RDH12: variants seen among roughly 807,000 people sequenced by gnomAD.
The protein encoded by RDH12 is all-trans and 9-cis retinol dehydrogenase.
A neutral mutation model predicts 34.0 loss-of-function variants in RDH12; 21 were observed. The ratio of observed to expected loss-of-function variants is 0.62; its 90% confidence interval spans 0.44 to 0.89. The LOEUF (loss-of-function observed/expected upper bound fraction) is 0.89, where lower values mean the gene tolerates loss of function less well. RDH12 is among the 40% of genes least tolerant of loss of function. RDH12 has a pLI of 0.00. For synonymous variants in RDH12, 198 were observed against 169.9 expected (o/e 1.17, Z -1.29); for missense variants, 394 against 398.6 (o/e 0.99, Z 0.10).
At chr14:67,713,728 T>G (rs967562442) in intron 1 of RDH12, among the ~76,000 whole-genome samples, 2 of 152,250 alleles carry the variant, frequency 1.3e-5, no homozygotes, top group African/African-American at 4.8e-5. Flanking sequence ...CAGGAGGTCC[T>G]GACGACATGT....
chr14:67,710,155 T>C (rs2037994781), intron 1 of RDH12, among the ~76,000 whole-genome samples: 2 of 152,148 alleles, frequency 1.3e-5, no homozygotes, highest in South Asian at 4.1e-4. Flanking sequence ...CCTAAATGTA[T>C]AAAACCAAGC....
Position 67,734,377 on chromosome 14 carries a change from G to T in RDH12, c.*529G>T, listed in dbSNP as rs745439408. 8 of 155,732 alleles carry T rather than the reference G, an allele frequency of 5.1e-5. No individual in the cohort carries two copies. The highest frequency in any genetic ancestry group is 1.0e-4 in the Non-Finnish European group (7 of 70,224). The allele number at this position is 155,732 out of a possible 1,614,324, so 9.6% of individuals were successfully genotyped here. A position where few individuals can be genotyped will look rare whatever the true frequency, so the allele number is the denominator to read the frequency against. ...ACCTGGACCTTCCCATTTCAATCATGCAGATGGTTTCTTTTTGTAAAGAGT... is the reference window on the plus strand; with the variant it reads ...ACCTGGACCTTCCCATTTCAATCATTCAGATGGTTTCTTTTTGTAAAGAGT... On this transcript the variant is annotated 3_prime_UTR_variant, in exon 9 of 9. Coordinates refer to ENST00000551171, the MANE Select transcript of RDH12 (RefSeq NM_152443.3).
At chr14:67,716,800 C>T (rs2038073347) in intron 1 of RDH12, among the ~76,000 whole-genome samples, 1 of 151,446 alleles carries the variant, frequency 6.6e-6, no homozygotes, top group Admixed American at 6.6e-5. Context: ...AGGAGAATTG[C>T]TTGGGCCCGG....
At chr14:67,714,796 A>C (rs1401788602) in intron 1 of RDH12, 2 of 152,260 alleles carry the variant, frequency 1.3e-5, no homozygotes, top group African/African-American at 4.8e-5. Context: ...TTTTAAAAAT[A>C]AAAGAGGGCC....
intron 1 of RDH12, among the ~76,000 whole-genome samples, chr14:67,720,050 C>T (rs1305615395): frequency 6.6e-6 from 1 of 152,202 alleles, no homozygotes; most frequent in Admixed American, 6.5e-5. Flanking sequence ...CTCCCACGAG[C>T]AATGCATCAG....
chr14:67,724,849 G>C (rs2038166222), intron 4 of RDH12, among the ~76,000 whole-genome samples: 2 of 152,190 alleles, frequency 1.3e-5, no homozygotes, highest in Admixed American at 1.3e-4. Flanking sequence ...TATTCTAAAA[G>C]GAGATACTAA....
chr14:67,715,820 C>T (rs1416707694), intron 1 of RDH12, among the ~76,000 whole-genome samples: 1 of 152,186 alleles, frequency 6.6e-6, no homozygotes, highest in Non-Finnish European at 1.5e-5. Context: ...TATTGCATGT[C>T]TGCTTCATGC....
At position 67,722,452 on chromosome 14, in the gene RDH12, G is replaced by T; in HGVS notation, c.-191G>T. On this transcript the variant is annotated 5_prime_UTR_variant, in exon 3 of 9. Coordinates refer to ENST00000551171, the MANE Select transcript of RDH12 (RefSeq NM_152443.3). ...TACATCTCCCAGCAGGCTGTGCTCTGACAGCTCTTGGATTTAAATAGGATT... is the reference window on the plus strand; with the variant it reads ...TACATCTCCCAGCAGGCTGTGCTCTTACAGCTCTTGGATTTAAATAGGATT... The T allele has an allele frequency of 1.5e-6, 1 of 674,296 alleles. No individual in the cohort carries two copies. The highest frequency in any genetic ancestry group is 2.7e-6 in the Non-Finnish European group (1 of 369,652). The allele number at this position is 674,296 out of a possible 1,614,324, so 41.8% of individuals were successfully genotyped here.
intron 6 of RDH12, among the ~76,000 whole-genome samples, chr14:67,726,510 C>A (rs2038187852): frequency 6.6e-6 from 1 of 152,156 alleles, no homozygotes; most frequent in Non-Finnish European, 1.5e-5. Context: ...CCAACCAAGC[C>A]ATGGGTTGGT....
At chr14:67,730,195 G>A (rs776354515) in intron 8 of RDH12, among the ~76,000 whole-genome samples, 18 of 152,278 alleles carry the variant, frequency 1.2e-4, no homozygotes, top group East Asian at 3.9e-4. Context: ...AAACTGAGGC[G>A]CAAGATAATT....
intron 5 of RDH12, among the ~76,000 whole-genome samples, 196 bp from the exon 6 acceptor site, chr14:67,725,855 C>T (rs904294839): frequency 6.6e-6 from 1 of 152,076 alleles, no homozygotes; most frequent in East Asian, 1.9e-4. Context: ...GAGATAGGTC[C>T]AAATGAAGGA....
chr14:67,716,066 C>T (rs1409117587), intron 1 of RDH12, among the ~76,000 whole-genome samples: 1 of 151,826 alleles, frequency 6.6e-6, no homozygotes, highest in East Asian at 1.9e-4. Context: ...GGGTGGTAGC[C>T]GGTGCCTGTA....
At chr14:67,710,249 C>T (rs951902162) in intron 1 of RDH12, among the ~76,000 whole-genome samples, 1 of 152,172 alleles carries the variant, frequency 6.6e-6, no homozygotes, top group African/African-American at 2.4e-5. Flanking sequence ...GCAAAATAAA[C>T]TTTCTAAATT....
In RDH12 at chr14:67,724,041, T is replaced by A. The variant is rs191939019; in HGVS notation, c.69-432T>A. 1.3e-4 allele frequency among the ~76,000 whole-genome samples: 20 copies of A among 152,296 alleles called. 1 individual carries two copies. The highest frequency in any genetic ancestry group is 7.8e-4 in the Admixed American group (12 of 15,294). On this transcript the variant is annotated intron_variant, in intron 3 of 8. Coordinates refer to ENST00000551171, the MANE Select transcript of RDH12 (RefSeq NM_152443.3). ...CCTGTGTGTGCCACCCCCCACAGAG[T>A]GCTGTTCATCAGTTACTCATGATGA...
At chr14:67,725,772 C>T (rs1455021014) in intron 5 of RDH12, among the ~76,000 whole-genome samples, 1 of 152,160 alleles carries the variant, frequency 6.6e-6, no homozygotes, top group Non-Finnish European at 1.5e-5. Flanking sequence ...AATGAATGAA[C>T]AATGTCCAGG....
At chr14:67,729,060 G>A in intron 7 of RDH12, 131 bp from the exon 8 acceptor site, 1 of 911,466 alleles carries the variant, frequency 1.1e-6, no homozygotes. Flanking sequence ...GGCCAGGAGT[G>A]GTACCTGCTG....
intron 6 of RDH12, among the ~76,000 whole-genome samples, 164 bp downstream of exon 6, chr14:67,726,319 G>A (rs2038185258): frequency 1.3e-5 from 2 of 152,144 alleles, no homozygotes; most frequent in Non-Finnish European, 2.9e-5. Context: ...CTCCTGATCA[G>A]TCTAAAAAAG....
rs543590240 is a variant in RDH12, at chr14:67,713,173, C to G, written c.-274-7675C>G. On this transcript the variant is annotated intron_variant, in intron 1 of 8. Transcript: ENST00000551171. ...GTTAACTTTAGCCAAGACAAAACCT[C>G]AATTCAGCTACATACCTAGGGATGG... 2.8e-4 allele frequency among the ~76,000 whole-genome samples: 42 copies of G among 151,944 alleles called. No individual in the cohort carries two copies. The South Asian group carries it at 8.7e-3, about 32-fold the overall frequency.
chr14:67,728,886 A>G (rs2038226848), intron 7 of RDH12, among the ~76,000 whole-genome samples: 1 of 152,106 alleles, frequency 6.6e-6, no homozygotes, highest in Admixed American at 6.5e-5. Flanking sequence ...GATTGATACT[A>G]CTCACTACAT....
Sources: gnomAD v4.1 joint callset for allele counts (sites outside exome capture counted in the v4.1 genomes callset) on GRCh38, gnomAD v4.1.1 for gene constraint, MANE v1.5 for transcripts, NCBI Gene and HGNC (gene_info 2026-07-23, HGNC 2026-07-21) for gene names.